The following SDK1 variants were observed in gnomAD, a reference collection of about 807,000 sequenced individuals.
SDK1 encodes the protein protein sidekick-1.
Under a neutral mutation model 245.5 loss-of-function variants are expected in SDK1, and 157 were observed. The observed-to-expected ratio is 0.64, with a 90% CI of 0.56 to 0.73. The LOEUF (loss-of-function observed/expected upper bound fraction) is 0.73. Among genes scored for constraint, SDK1 ranks in the 30% least tolerant of loss-of-function variants. The pLI is 0.00. For synonymous variants in SDK1, 1,647 were observed against 1,278.5 expected, an observed-to-expected ratio of 1.29 and a Z score of -6.15; for missense variants, 3,583 against 3,002.3, an observed-to-expected ratio of 1.19 and a Z score of -4.52.
At chr7:3,563,348 T>A (rs1273652088) in intron 1 of SDK1, among the ~76,000 whole-genome samples, 1 of 151,720 alleles carries the variant, frequency 6.6e-6, no homozygotes, top group Non-Finnish European at 1.5e-5. Flanking sequence ...AAAAACAAGA[T>A]ACAAAAAATA....
intron 4 of SDK1, among the ~76,000 whole-genome samples, chr7:3,723,979 AAGAG>A (rs1294387558): frequency 9.1e-5 from 10 of 110,460 alleles, no homozygotes; most frequent in Non-Finnish European, 1.6e-4. Flanking sequence ...GAGAGAGAGA[AAGAG>A]AGAGAGAGTC....
chr7:3,918,543 G>A (rs1186710981), intron 5 of SDK1, among the ~76,000 whole-genome samples: 1 of 152,172 alleles, frequency 6.6e-6, no homozygotes, highest in East Asian at 1.9e-4. Flanking sequence ...GGCTCCCACT[G>A]ATTCTACGTG....
At chr7:3,574,093 C>G (rs999083245) in intron 1 of SDK1, among the ~76,000 whole-genome samples, 16 of 151,756 alleles carry the variant, frequency 1.1e-4, no homozygotes, top group African/African-American at 3.6e-4. Flanking sequence ...CCTTCCTGAT[C>G]AGACTAGACA....
At chr7:3,691,823 C>G (rs1237859531) in intron 4 of SDK1, among the ~76,000 whole-genome samples, 1 of 152,120 alleles carries the variant, frequency 6.6e-6, no homozygotes, top group Non-Finnish European at 1.5e-5. Context: ...CTTACTCATT[C>G]AGACAGCGTG....
chr7:4,202,752 C>T (rs980506012), intron 35 of SDK1, among the ~76,000 whole-genome samples: 73 of 151,884 alleles, frequency 4.8e-4, no homozygotes, highest in African/African-American at 1.7e-3. Flanking sequence ...CACGTAGAAC[C>T]GTTTTGTTTT....
chr7:3,773,730 G>A (rs568723262), intron 4 of SDK1, among the ~76,000 whole-genome samples: 1 of 152,244 alleles, frequency 6.6e-6, no homozygotes, highest in Non-Finnish European at 1.5e-5. Context: ...GTTGTAGGCT[G>A]TTTCTGTGCC....
chr7:3,721,415 T>A (rs536852311), intron 4 of SDK1, among the ~76,000 whole-genome samples: 1 of 152,300 alleles, frequency 6.6e-6, no homozygotes, highest in African/African-American at 2.4e-5. Context: ...TACATTTCTT[T>A]GAACTCCTCG....
At chr7:4,190,883 C>T (rs575899886) in intron 35 of SDK1, among the ~76,000 whole-genome samples, 1 of 152,324 alleles carries the variant, frequency 6.6e-6, no homozygotes, top group Admixed American at 6.5e-5. Flanking sequence ...ACACCAGCCT[C>T]ATCAATGCTG....
intron 1 of SDK1, among the ~76,000 whole-genome samples, chr7:3,477,423 C>T (rs1310721572): frequency 1.3e-5 from 2 of 151,158 alleles, no homozygotes; most frequent in African/African-American, 2.4e-5. Context: ...CTTGAACTCC[C>T]GACCTCAGGT....
chr7:3,596,234 G>A (rs1583208773), intron 1 of SDK1, among the ~76,000 whole-genome samples: 1 of 152,198 alleles, frequency 6.6e-6, no homozygotes. Flanking sequence ...CTTCCATCTG[G>A]CTGGGTTGCA....
At chr7:3,727,598 C>T (rs139427952) in intron 4 of SDK1, among the ~76,000 whole-genome samples, 2,061 of 152,250 alleles carry the variant, frequency 0.014, 13 homozygotes, top group Non-Finnish European at 0.016. Flanking sequence ...TCAAGCAATT[C>T]TCCAGCCTCA....
intron 1 of SDK1, among the ~76,000 whole-genome samples, chr7:3,510,359 T>A (rs1562530706): frequency 6.6e-6 from 1 of 152,216 alleles, no homozygotes; most frequent in Non-Finnish European, 1.5e-5. Flanking sequence ...TATTACTGAA[T>A]AATGTGGCTG....
At chr7:3,654,772 T>G (rs1230916429) in intron 4 of SDK1, among the ~76,000 whole-genome samples, 1 of 152,202 alleles carries the variant, frequency 6.6e-6, no homozygotes, top group Non-Finnish European at 1.5e-5. Context: ...GAGTTGGCCA[T>G]GTAGTATCTA....
intron 5 of SDK1, among the ~76,000 whole-genome samples, chr7:3,918,115 C>T (rs1320575266): frequency 1.3e-5 from 2 of 152,122 alleles, no homozygotes; most frequent in African/African-American, 4.8e-5. Flanking sequence ...CCAGGGGCTA[C>T]CCTCTCACCT....
intron 1 of SDK1, among the ~76,000 whole-genome samples, chr7:3,443,267 C>A (rs537091123): frequency 6.6e-6 from 1 of 152,250 alleles, no homozygotes; most frequent in Admixed American, 6.5e-5. Context: ...AGAACTATGT[C>A]AGCATGAGAG....
intron 4 of SDK1, among the ~76,000 whole-genome samples, chr7:3,796,335 G>A (rs1270623953): frequency 6.6e-6 from 1 of 152,226 alleles, no homozygotes; most frequent in Non-Finnish European, 1.5e-5. Flanking sequence ...AGGTTTCTTT[G>A]GCTGTGAAAA....
intron 1 of SDK1, among the ~76,000 whole-genome samples, chr7:3,499,888 G>C (rs4719964): frequency 6.6e-6 from 1 of 152,096 alleles, no homozygotes; most frequent in South Asian, 2.1e-4. Flanking sequence ...AAGTATGTTT[G>C]TAAGTTCACT....
chr7:3,412,668 C>A (rs1017487835), intron 1 of SDK1, among the ~76,000 whole-genome samples: 1 of 152,140 alleles, frequency 6.6e-6, no homozygotes, highest in Non-Finnish European at 1.5e-5. Context: ...GGGGCAGTTA[C>A]GATTTTGAAA....
At chr7:3,535,120 C>T (rs187795973) in intron 1 of SDK1, among the ~76,000 whole-genome samples, 5 of 152,084 alleles carry the variant, frequency 3.3e-5, no homozygotes, top group Non-Finnish European at 7.4e-5. Flanking sequence ...CTTAAAAATA[C>T]AAAAAATTAG....
Sources: allele counts gnomAD v4.1 joint callset (sites outside exome capture counted in the v4.1 genomes callset), GRCh38; gene constraint gnomAD v4.1.1; transcripts MANE v1.5; gene names NCBI Gene and HGNC (gene_info 2026-07-23, HGNC 2026-07-21).